The following ZZEF1 variants were observed in gnomAD, a reference collection of about 807,000 sequenced individuals.
ZZEF1 encodes zinc finger ZZ-type and EF-hand domain containing 1.
A neutral mutation model predicts 342.8 loss-of-function variants in ZZEF1; 157 were observed. The observed-to-expected ratio is 0.46, with a 90% CI of 0.40 to 0.52. The LOEUF is 0.52. Ranked by LOEUF, ZZEF1 falls within the 20% of genes least tolerant of loss-of-function variation. The pLI is 0.00. For missense variants in ZZEF1, 3,480 were observed against 3,725.6 expected (o/e 0.93, Z 1.72); for synonymous variants, 1,505 against 1,429.1 (o/e 1.05, Z -1.20).
Position 4,050,832 on chromosome 17 carries a change from G to A in ZZEF1, c.5812C>T (p.Gln1938Ter). 1 of 1,614,116 alleles carries A rather than the reference G, an allele frequency of 6.2e-7. No individual in the cohort carries two copies. Among genetic ancestry groups the A allele is most frequent in the Non-Finnish European group, 8.5e-7 (1 of 1,180,018 alleles). Residue 1938 changes from glutamine (Q) to a stop codon, truncating the protein, a stop_gained, in exon 36 of 55, where the codon CAG (glutamine) becomes TAG (stop). Coordinates refer to ENST00000381638, the MANE Select transcript of ZZEF1 (RefSeq NM_015113.4). LOFTEE classifies it high-confidence loss of function. ...CAGTCCCCGACGAGCTGCATGCACT[G>A]GCTCCGCAGGGTGGTGGCACTGCTG... ...TRSSATTLRS[Q>*]CMQLVGDCLM...
chr17:4,095,206 T>G (rs143044761), intron 11 of ZZEF1, among the ~76,000 whole-genome samples: 1 of 152,272 alleles, frequency 6.6e-6, no homozygotes, highest in East Asian at 1.9e-4. Flanking sequence ...ACATTCTCCT[T>G]CCAGTGGCCG....
intron 5 of ZZEF1, 63 bp from the exon 6 acceptor site, chr17:4,109,926 C>T: frequency 6.6e-7 from 1 of 1,512,460 alleles, no homozygotes; most frequent in Non-Finnish European, 9.1e-7. Context: ...GCTGGGCTCC[C>T]AACTAAAAGC....
intron 26 of ZZEF1, among the ~76,000 whole-genome samples, chr17:4,069,312 T>A (rs888445778): frequency 6.6e-6 from 1 of 152,186 alleles, no homozygotes; most frequent in Non-Finnish European, 1.5e-5. Context: ...CCATACAGGT[T>A]ACATCACCCC....
intron 4 of ZZEF1, among the ~76,000 whole-genome samples, chr17:4,113,376 T>C (rs1180719020): frequency 1.3e-5 from 2 of 152,214 alleles, no homozygotes; most frequent in African/African-American, 4.8e-5. Context: ...CTCAGTTACA[T>C]ACAGTGAATT....
chr17:4,006,110 C>A lies in ZZEF1; in HGVS notation c.*780G>T, dbSNP rs1052617. On this transcript the variant is annotated 3_prime_UTR_variant, in exon 55 of 55. Transcript: ENST00000381638. ...TCACGCGTGCTCCTCACATTCTGCT[C>A]CTTTCACAGAATGGTCAGTCCCCGG... 73,609 of 152,368 alleles carry A rather than the reference C, an allele frequency of 0.48. 20,277 individuals carry two copies. Among genetic ancestry groups the A allele is most frequent in the African/African-American group, 0.77 (31,914 of 41,526 alleles). 9.4% of individuals were successfully genotyped at this position (152,368 alleles called of 1,614,324 possible).
At chr17:4,096,062 C>T (rs916527381) in intron 10 of ZZEF1, 83 bp from the exon 11 acceptor site, 18 of 1,420,788 alleles carry the variant, frequency 1.3e-5, no homozygotes, top group Admixed American at 2.6e-5. Context: ...TAAATTCAAA[C>T]AGGTTAAAAC....
In ZZEF1 at chr17:4,142,942, T is replaced by G; in HGVS notation, c.-47A>C. On this transcript the variant is annotated 5_prime_UTR_variant, in exon 1 of 55. Transcript: ENST00000381638. ...TGGCTCTGCAGCCGCCGCCGCCGCC[T>G]CCCCGCCTCGACCTGTCAACCTCCG... 1 of 1,298,268 alleles carries G rather than the reference T, an allele frequency of 7.7e-7. No individual in the cohort carries two copies. Among genetic ancestry groups the G allele is most frequent in the East Asian group, 3.1e-5 (1 of 31,754 alleles). 80.4% of individuals were successfully genotyped at this position (1,298,268 alleles called of 1,614,324 possible).
At position 4,025,016 on chromosome 17, in the gene ZZEF1, T is replaced by C; in HGVS notation, c.6995A>G (p.His2332Arg). ...GCTGTCCATGCTGCTTTGCAGAAGG[T>C]GACTGGCGATAAAGGCAAAGTGCTG... ...YSQHFAFIAS[H>R]LLQSSMDSHC... Residue 2332 changes from histidine to arginine, a missense_variant, in exon 43 of 55, where the codon CAC becomes CGC. By Grantham distance (29) the His-to-Arg change is conservative. Coordinates refer to ENST00000381638, the MANE Select transcript of ZZEF1 (RefSeq NM_015113.4). 1 of 1,614,130 alleles carries C rather than the reference T, an allele frequency of 6.2e-7. No homozygotes were observed. Among genetic ancestry groups the C allele is most frequent in the African/African-American group, 1.3e-5 (1 of 75,014 alleles).
chr17:4,081,290 G>A, intron 18 of ZZEF1, 86 bp downstream of exon 18: 1 of 1,081,068 alleles, frequency 9.3e-7, no homozygotes, highest in Admixed American at 2.0e-5. Flanking sequence ...ATACTGCAAA[G>A]AGGCAAAGGG....
intron 11 of ZZEF1, among the ~76,000 whole-genome samples, chr17:4,092,007 C>T (rs929465405): frequency 2.7e-5 from 4 of 148,808 alleles, no homozygotes; most frequent in Admixed American, 2.0e-4. Context: ...ACCCAGGAGG[C>T]GGAGGTTGCG....
At chr17:4,080,638 C>T (rs866307954) in intron 18 of ZZEF1, among the ~76,000 whole-genome samples, 38 of 152,312 alleles carry the variant, frequency 2.5e-4, no homozygotes, top group Admixed American at 9.8e-4. Context: ...GATCCGCCCA[C>T]CTTGGCCTCC....
intron 30 of ZZEF1, 113 bp downstream of exon 30, chr17:4,062,640 C>T (rs189825143): frequency 4.1e-6 from 5 of 1,228,274 alleles, no homozygotes; most frequent in African/African-American, 3.1e-5. Context: ...TAACCAAAAA[C>T]GTACATTTGT....
chr17:4,111,054 GAATAT>G (rs1261057994), intron 5 of ZZEF1, among the ~76,000 whole-genome samples: 1 of 151,978 alleles, frequency 6.6e-6, no homozygotes, highest in Non-Finnish European at 1.5e-5. Context: ...GGATATTCGT[GAATAT>G]AACACACTCT....
chr17:4,034,034 C>T lies in ZZEF1; in HGVS notation c.6565G>A (p.Gly2189Arg). 1 of 1,614,100 alleles carries T rather than the reference C, an allele frequency of 6.2e-7. No homozygotes were observed. Among genetic ancestry groups the T allele is most frequent in the Non-Finnish European group, 8.5e-7 (1 of 1,180,022 alleles). ...GGCTACCTGTCCAGACACACAGCTC[C>T]CAGGCTAAAGAGCAGGTGGGTGGTT... ...WKTTHLLFSL[G>R]AVCLDSRVGL... Residue 2189 changes from glycine (G) to arginine (R), a missense_variant, in exon 40 of 55, where the codon GGA becomes AGA. Physicochemically the swap from Gly to Arg is moderately radical, Grantham distance 125. Transcript: ENST00000381638.
Position 4,014,034 on chromosome 17 carries a change from G to A in ZZEF1, c.8413+56C>T. ...GATCAGTGACATCATGGCACCCACA[G>A]CCATGGAGTGTCCCTGGCAGGCAGA... is the stretch of plus-strand genomic sequence containing the variant. On this transcript the variant is annotated intron_variant, in intron 51 of 54. Coordinates refer to ENST00000381638, the MANE Select transcript of ZZEF1 (RefSeq NM_015113.4). The surrounding 1 kb of genome is among the most constrained non-coding windows in gnomAD (Gnocchi z 4.4). The A allele has an allele frequency of 4.6e-6, 7 of 1,521,358 alleles. No individual in the cohort carries two copies. The highest frequency in any genetic ancestry group is 6.4e-6 in the Non-Finnish European group (7 of 1,097,872). 94.2% of individuals were successfully genotyped at this position (1,521,358 alleles called of 1,614,324 possible).
Position 4,056,349 on chromosome 17 carries a change from AAAG to A in ZZEF1, c.5166-7_5166-5del, listed in dbSNP as rs1231111246. ...CTCATCTTCTTCACTCCATTGGCTGAAAGAAGGACATAAAGAGAGAAAAGCATG... is the reference window on the plus strand; with the variant it reads ...CTCATCTTCTTCACTCCATTGGCTGAAAGGACATAAAGAGAGAAAAGCATG... On this transcript the variant is annotated splice_region_variant and splice_polypyrimidine_tract_variant and intron_variant, in intron 32 of 54. Coordinates refer to ENST00000381638, the MANE Select transcript of ZZEF1 (RefSeq NM_015113.4). 3 of 1,584,484 alleles carry A rather than the reference AAAG, an allele frequency of 1.9e-6. No homozygotes were observed. Among genetic ancestry groups the A allele is most frequent in the Non-Finnish European group, 2.6e-6 (3 of 1,165,760 alleles).
rs188050485 is a variant in ZZEF1 at position 4,053,922 on chromosome 17, C to T, written c.5434+135G>A. The T allele has an allele frequency of 2.5e-5, 24 of 971,754 alleles. No individual in the cohort carries two copies. The East Asian group carries it at 2.6e-4, about 10-fold the overall frequency. The allele number at this position is 971,754 out of a possible 1,614,324, so 60.2% of individuals were successfully genotyped here. The stretch of plus-strand genomic sequence containing the variant: ...TAGTTGAGGAGATAAGGCTCATGTT[C>T]GCCAAGAAGTCAGAGAAAATACCAC... On this transcript the variant is annotated intron_variant, in intron 34 of 54. Transcript: ENST00000381638.
chr17:4,119,094 G>T (rs1362517887), intron 2 of ZZEF1, among the ~76,000 whole-genome samples: 1 of 152,240 alleles, frequency 6.6e-6, no homozygotes, highest in Non-Finnish European at 1.5e-5. Flanking sequence ...GGGCCTTATG[G>T]ACAGGAATGG....
At chr17:4,060,025 C>T (rs2057250959) in intron 30 of ZZEF1, among the ~76,000 whole-genome samples, 1 of 152,248 alleles carries the variant, frequency 6.6e-6, no homozygotes, top group African/African-American at 2.4e-5. Flanking sequence ...CTGCTCCCTT[C>T]TCAGCTTAGA....
Sources: gnomAD v4.1 joint callset for allele counts (sites outside exome capture counted in the v4.1 genomes callset) on GRCh38, gnomAD v4.1.1 for gene constraint, Gnocchi (gnomAD v3.1) non-coding constraint, MANE v1.5 for transcripts, NCBI Gene and HGNC (gene_info 2026-07-23, HGNC 2026-07-21) for gene names.